The following CCDC175 variants were observed in gnomAD, a reference collection of about 807,000 sequenced individuals.
CCDC175 encodes coiled-coil domain-containing protein 175.
CCDC175 carries 100 observed loss-of-function variants against 114.6 expected under a neutral mutation model. That is an observed-to-expected ratio of 0.87 (90% CI 0.74 to 1.03). The LOEUF (loss-of-function observed/expected upper bound fraction) is 1.03. Ranked by LOEUF, CCDC175 falls within the 50% of genes least tolerant of loss-of-function variation. The pLI is 0.00. For synonymous variants in CCDC175, 306 were observed against 308.7 expected, an observed-to-expected ratio of 0.99 and a Z score of 0.09; for missense variants, 880 against 917.8, an observed-to-expected ratio of 0.96 and a Z score of 0.53.
At chr14:59,508,377 T>C (rs2139943464) in intron 19 of CCDC175, among the ~76,000 whole-genome samples, 1 of 108,190 alleles carries the variant, frequency 9.2e-6, no homozygotes, top group South Asian at 3.3e-4. Context: ...CTGGTCAACA[T>C]GGCATAACCT....
intron 9 of CCDC175, 119 bp downstream of exon 9, chr14:59,545,044 A>G: frequency 9.5e-7 from 1 of 1,055,084 alleles, no homozygotes; most frequent in South Asian, 1.8e-5. Context: ...AAATGTTTTC[A>G]TTTTTGTCAA....
chr14:59,561,358 A>C, intron 6 of CCDC175, 130 bp from the exon 7 acceptor site: 1 of 469,888 alleles, frequency 2.1e-6, no homozygotes, highest in Non-Finnish European at 3.8e-6. Flanking sequence ...CAAGGAAAAA[A>C]AGCAATCATT....
intron 9 of CCDC175, among the ~76,000 whole-genome samples, chr14:59,544,316 G>A (rs773321949): frequency 6.6e-6 from 1 of 151,964 alleles, no homozygotes; most frequent in Non-Finnish European, 1.5e-5. Context: ...ACAAGCACCC[G>A]CCACCATGCC....
chr14:59,575,663 C>T (rs1241284421), intron 1 of CCDC175, among the ~76,000 whole-genome samples: 4 of 152,166 alleles, frequency 2.6e-5, no homozygotes, highest in Non-Finnish European at 5.9e-5. Flanking sequence ...ACGTGCGTCA[C>T]CACGCCCGGC....
intron 17 of CCDC175, among the ~76,000 whole-genome samples, chr14:59,515,859 T>A (rs1322286482): frequency 6.6e-6 from 1 of 152,188 alleles, no homozygotes; most frequent in African/African-American, 2.4e-5. Context: ...ATCAACAGAA[T>A]ATACATTCTT....
At chr14:59,508,041 T>C (rs1892526581) in intron 19 of CCDC175, among the ~76,000 whole-genome samples, 1 of 152,132 alleles carries the variant, frequency 6.6e-6, no homozygotes, top group African/African-American at 2.4e-5. Flanking sequence ...TTGAGAAATC[T>C]AGTGCCTATT....
At chr14:59,554,071 A>G (rs1468129012) in intron 7 of CCDC175, among the ~76,000 whole-genome samples, 1 of 152,226 alleles carries the variant, frequency 6.6e-6, no homozygotes, top group Admixed American at 6.5e-5. Flanking sequence ...CAGAAACTTA[A>G]CAAGGATATC....
intron 14 of CCDC175, 33 bp downstream of exon 14, chr14:59,531,739 A>T: frequency 7.1e-7 from 1 of 1,412,054 alleles, no homozygotes. Flanking sequence ...CTTACCTGGG[A>T]TTGAGTTTAA....
chr14:59,508,399 TACACACACACACACAC>T (rs71451066), intron 19 of CCDC175, among the ~76,000 whole-genome samples: 3 of 97,350 alleles, frequency 3.1e-5, no homozygotes, highest in South Asian at 4.6e-4. Flanking sequence ...GTCTCCAAAA[TACACACACACACACAC>T]ACACACACAC....
At chr14:59,553,678 TA>T (rs1895680548) in intron 7 of CCDC175, among the ~76,000 whole-genome samples, 1 of 151,934 alleles carries the variant, frequency 6.6e-6, no homozygotes, top group South Asian at 2.1e-4. Flanking sequence ...GCAAATTGGA[TA>T]AAAAGTCAAG....
intron 9 of CCDC175, 51 bp from the exon 10 acceptor site, chr14:59,543,505 C>T (rs1894913829): frequency 1.6e-6 from 1 of 607,124 alleles, no homozygotes; most frequent in South Asian, 3.5e-5. Flanking sequence ...AATATGCAAA[C>T]ACAAATAAGA....
intron 17 of CCDC175, among the ~76,000 whole-genome samples, chr14:59,518,721 G>A (rs1210499950): frequency 2.0e-5 from 3 of 152,122 alleles, no homozygotes; most frequent in Non-Finnish European, 4.4e-5. Context: ...CTGTTGGTGG[G>A]ACTGTAAACT....
At chr14:59,572,859 G>T in intron 2 of CCDC175, 46 bp from the exon 3 acceptor site, 3 of 1,179,734 alleles carry the variant, frequency 2.5e-6, no homozygotes, top group Non-Finnish European at 3.5e-6. Flanking sequence ...CACTAAAATA[G>T]TAAGATTGAT....
intron 17 of CCDC175, among the ~76,000 whole-genome samples, chr14:59,519,364 C>T (rs980925405): frequency 6.6e-6 from 1 of 151,958 alleles, no homozygotes; most frequent in Non-Finnish European, 1.5e-5. Flanking sequence ...TAGACATAAA[C>T]ACTGAAACTA....
chr14:59,568,899 AC>A (rs1254203566), intron 3 of CCDC175, among the ~76,000 whole-genome samples: 2 of 151,774 alleles, frequency 1.3e-5, no homozygotes, highest in African/African-American at 4.8e-5. Flanking sequence ...ATCATAATCC[AC>A]CCCATATTTG....
rs1311158992 is a variant in CCDC175 at position 59,529,191 on chromosome 14, C to T, written c.1763-2017G>A. Among the ~76,000 whole-genome samples the T allele has an allele frequency of 2.0e-5, 3 of 152,188 alleles. No individual in the cohort carries two copies. In the East Asian group the frequency reaches 5.8e-4, roughly 29 times the overall value. On this transcript the variant is annotated intron_variant, in intron 14 of 19. Coordinates refer to ENST00000537690, the MANE Select transcript of CCDC175 (RefSeq NM_001164399.2). ...CTTTAAGGAAGAATATGTTAGTCTC[C>T]TTCCTCAGGTTGGGGTAAGGGATTA... is the stretch of plus-strand genomic sequence containing the variant.
intron 4 of CCDC175, among the ~76,000 whole-genome samples, chr14:59,566,844 T>C (rs1207267987): frequency 6.6e-6 from 1 of 152,234 alleles, no homozygotes; most frequent in African/African-American, 2.4e-5. Flanking sequence ...AGCTTGATGA[T>C]GCCAACACAC....
chr14:59,526,610 T>C (rs1446088381), intron 15 of CCDC175, among the ~76,000 whole-genome samples: 1 of 152,120 alleles, frequency 6.6e-6, no homozygotes, highest in Non-Finnish European at 1.5e-5. Context: ...AATGTTTCCA[T>C]TTTTAATTAA....
At chr14:59,528,448 A>T (rs1276973829) in intron 14 of CCDC175, among the ~76,000 whole-genome samples, 1 of 152,156 alleles carries the variant, frequency 6.6e-6, no homozygotes, top group African/African-American at 2.4e-5. Context: ...CTTTAAAAAC[A>T]TGAATATATG....
Sources: gnomAD v4.1 joint callset for allele counts (sites outside exome capture counted in the v4.1 genomes callset) on GRCh38, gnomAD v4.1.1 for gene constraint, MANE v1.5 for transcripts, NCBI Gene and HGNC (gene_info 2026-07-23, HGNC 2026-07-21) for gene names.